LHX5: variants seen among roughly 807,000 people sequenced by gnomAD.
LHX5 encodes LIM/homeobox protein Lhx5.
A neutral mutation model predicts 30.6 loss-of-function variants in LHX5; 5 were observed. That is an observed-to-expected ratio of 0.16 (90% CI 0.09 to 0.34). The LOEUF (loss-of-function observed/expected upper bound fraction) is 0.34, where lower values mean the gene tolerates loss of function less well. LHX5 is among the 10% of genes least tolerant of loss of function. LHX5 has a pLI of 1.00. For synonymous variants in LHX5, 266 were observed against 252.6 expected (o/e 1.05, Z -0.50); for missense variants, 458 against 570.6 (o/e 0.80, Z 2.01).
At chr12:113,471,176 G>C (rs943945780) in intron 1 of LHX5, 150 bp downstream of exon 1, 1 of 791,240 alleles carries the variant, frequency 1.3e-6, no homozygotes, top group Non-Finnish European at 2.0e-6. Context: ...CTGGACCAAG[G>C]ACAGGAGGAG....
rs1947068085 is a variant in LHX5, at chr12:113,465,050, CT to C, written c.842-1494del. Among the ~76,000 whole-genome samples, 1 of 152,206 alleles carries C rather than the reference CT, an allele frequency of 6.6e-6. No homozygotes were observed. Among genetic ancestry groups the C allele is most frequent in the Admixed American group, 6.5e-5 (1 of 15,278 alleles). On this transcript the variant is annotated intron_variant, in intron 4 of 4. Transcript: ENST00000261731. The surrounding 1 kb of genome is among the most constrained non-coding windows in gnomAD (Gnocchi z 6.7). Reference sequence around the variant, plus strand: ...AGTCTCTTCTGCAAATCCACTCCCCCTGCTGAGTCCTGGGATCTCAGTCAAG... The same window carrying C: ...AGTCTCTTCTGCAAATCCACTCCCCCGCTGAGTCCTGGGATCTCAGTCAAG...
In LHX5 at chr12:113,466,881, G is replaced by A. The variant is rs1470863396; in HGVS notation, c.841+375C>T. 6.6e-6 allele frequency among the ~76,000 whole-genome samples: 1 copy of A among 152,102 alleles called. No homozygotes were observed. The highest frequency in any genetic ancestry group is 1.9e-4 in the East Asian group (1 of 5,198). On this transcript the variant is annotated intron_variant, in intron 4 of 4. Coordinates refer to ENST00000261731, the MANE Select transcript of LHX5 (RefSeq NM_022363.3). This position sits in a 1 kb window ranked among gnomAD's most constrained non-coding sequence, Gnocchi z 6.5. ...CTCAGTGTGACTGGTGGGAGTGTGC[G>A]CGTCTGTGGAGTTGTGTCTCCGTGA... is the stretch of plus-strand genomic sequence containing the variant.
rs1182064044 is a variant in LHX5 at position 113,464,688 on chromosome 12, A to G, written c.842-1131T>C. On this transcript the variant is annotated intron_variant, in intron 4 of 4. Transcript: ENST00000261731. The surrounding 1 kb of genome is among the most constrained non-coding windows in gnomAD (Gnocchi z 6.2). ...AGCCTTGCCCCGGGTTGGTTTTGCC[A>G]GCACCCCCAGGTTCTGAAGCATCTG... 6.6e-6 allele frequency among the ~76,000 whole-genome samples: 1 copy of G among 152,150 alleles called. No individual in the cohort carries two copies. The highest frequency in any genetic ancestry group is 1.5e-5 in the Non-Finnish European group (1 of 68,026).
At chr12:113,468,063 T>C in intron 3 of LHX5, 64 bp downstream of exon 3, 2 of 1,450,758 alleles carry the variant, frequency 1.4e-6, no homozygotes, top group Non-Finnish European at 1.8e-6. Context: ...GGCGGGAGAC[T>C]CCTCCGAGGC....
Position 113,468,348 on chromosome 12 carries a change from C to T in LHX5, c.454G>A (p.Asp152Asn). The T allele has an allele frequency of 6.2e-7, 1 of 1,614,128 alleles. No individual in the cohort carries two copies. The highest frequency in any genetic ancestry group is 8.5e-7 in the Non-Finnish European group (1 of 1,179,964). Residue 152 changes from aspartate to asparagine, a missense_variant, in exon 3 of 5, where the codon GAC (aspartate) becomes AAC (asparagine). By Grantham distance (23) the Asp-to-Asn change is conservative. Around this residue, in one of 3 missense-constraint regions of LHX5, gnomAD observed 178 missense variants for 238.5 expected, o/e 0.75. Coordinates refer to ENST00000261731, the MANE Select transcript of LHX5 (RefSeq NM_022363.3). ...SPDLQDALQD[D>N]PKETDNSTSS... ...GTCGAGTTGTCCGTCTCTTTGGGGT[C>T]GTCCTGCAGTGCGTCCTGGAGGTCC...
In LHX5 at chr12:113,463,564, AG is replaced by A; in HGVS notation, c.842-8del. 2 of 1,520,224 alleles carry A rather than the reference AG, an allele frequency of 1.3e-6. No homozygotes were observed. Among genetic ancestry groups the A allele is most frequent in the Non-Finnish European group, 8.8e-7 (1 of 1,141,182 alleles). The allele number at this position is 1,520,224 out of a possible 1,614,324, so 94.2% of individuals were successfully genotyped here. On this transcript the variant is annotated splice_region_variant and splice_polypyrimidine_tract_variant and intron_variant, in intron 4 of 4. Coordinates refer to ENST00000261731, the MANE Select transcript of LHX5 (RefSeq NM_022363.3). The surrounding 1 kb of genome is among the most constrained non-coding windows in gnomAD (Gnocchi z 6.7). Reference sequence around the variant, plus strand: ...TAGTAGTCGCCTTGGTAGTCTGCGGAGGGGGAGCGGGAAGGAGACAGGGCGC... The same window carrying A: ...TAGTAGTCGCCTTGGTAGTCTGCGGAGGGGAGCGGGAAGGAGACAGGGCGC...
chr12:113,468,613 G>GA (rs1958228849), intron 2 of LHX5, among the ~76,000 whole-genome samples: 1 of 152,232 alleles, frequency 6.6e-6, no homozygotes, highest in Non-Finnish European at 1.5e-5. Flanking sequence ...CCTTTGGAGG[G>GA]GCGCTCTTAA....
chr12:113,464,609 T>C lies in LHX5; in HGVS notation c.842-1052A>G, dbSNP rs1958201063. On this transcript the variant is annotated intron_variant, in intron 4 of 4. Transcript: ENST00000261731. This position sits in a 1 kb window ranked among gnomAD's most constrained non-coding sequence, Gnocchi z 6.2. ...GAGGGGGAGGAGGACACGAAGATTC[T>C]CTGGGTCATGGCCAGAGCTCCGCGG... Among the ~76,000 whole-genome samples, 1 of 152,132 alleles carries C rather than the reference T, an allele frequency of 6.6e-6. No homozygotes were observed. Among genetic ancestry groups the C allele is most frequent in the South Asian group, 2.1e-4 (1 of 4,820 alleles).
rs896567573 is a variant in LHX5 at position 113,466,302 on chromosome 12, T to C, written c.841+954A>G. 6.6e-6 allele frequency among the ~76,000 whole-genome samples: 1 copy of C among 152,086 alleles called. No homozygotes were observed. Among genetic ancestry groups the C allele is most frequent in the Non-Finnish European group, 1.5e-5 (1 of 68,012 alleles). On this transcript the variant is annotated intron_variant, in intron 4 of 4. Transcript: ENST00000261731. The surrounding 1 kb of genome is among the most constrained non-coding windows in gnomAD (Gnocchi z 6.5). ...CCCTGGGAAGAACAGGACAGTGAGC[T>C]TGGTGAGCTCAAGCAATGCGGCTCA...
chr12:113,469,438 A>G, intron 1 of LHX5, 93 bp from the exon 2 acceptor site: 8 of 1,149,106 alleles, frequency 7.0e-6, no homozygotes, highest in South Asian at 4.3e-5. Flanking sequence ...GCTTCGGTGA[A>G]GTCCCCATTT....
In LHX5 at chr12:113,463,239, C is replaced by T. The variant is rs1958187579; in HGVS notation, c.1160G>A (p.Gly387Glu). ...CTCGGGGTTGGGATGCGACAGGGGT[C>T]CGCTGTAGCCGCTGGTGCCGCTCAT... ...FPMSGTSGYS[G>E]PLSHPNPELN... The change falls in exon 5 of 5, where the codon GGA becomes GAA. Residue 387 changes from glycine to glutamate, a missense_variant. Physicochemically the swap from Gly to Glu is moderately conservative, Grantham distance 98 (BLOSUM62 -2). Around this residue, in one of 3 missense-constraint regions of LHX5, gnomAD observed 255 missense variants for 246.8 expected, o/e 1.03. Coordinates refer to ENST00000261731, the MANE Select transcript of LHX5 (RefSeq NM_022363.3). This position sits in a 1 kb window ranked among gnomAD's most constrained non-coding sequence, Gnocchi z 6.7. 1 of 1,526,534 alleles carries T rather than the reference C, an allele frequency of 6.6e-7. No homozygotes were observed. Among genetic ancestry groups the T allele is most frequent in the South Asian group, 1.2e-5 (1 of 83,436 alleles). The allele number at this position is 1,526,534 out of a possible 1,614,324, so 94.6% of individuals were successfully genotyped here.
In LHX5 at chr12:113,463,378, A is replaced by C; in HGVS notation, c.1021T>G (p.Phe341Val). Reference protein sequence around the residue: ...AGPHAADNPRFTDMISHPDTP... With the variant: ...AGPHAADNPRVTDMISHPDTP... ...TCCGGGTGCGAGATCATGTCGGTGA[A>C]CCTGGGGTTGTCCGCGGCGTGCGGG... is the stretch of plus-strand genomic sequence containing the variant. The change falls in exon 5 of 5, where the codon TTC becomes GTC. Residue 341 changes from phenylalanine to valine, a missense_variant. Physicochemically the swap from Phe to Val is conservative, Grantham distance 50 (BLOSUM62 -1). Around this residue, in one of 3 missense-constraint regions of LHX5, gnomAD observed 255 missense variants for 246.8 expected, o/e 1.03. Coordinates refer to ENST00000261731, the MANE Select transcript of LHX5 (RefSeq NM_022363.3). This position sits in a 1 kb window ranked among gnomAD's most constrained non-coding sequence, Gnocchi z 6.7. 1 of 1,553,808 alleles carries C rather than the reference A, an allele frequency of 6.4e-7. No homozygotes were observed. Among genetic ancestry groups the C allele is most frequent in the African/African-American group, 1.4e-5 (1 of 72,686 alleles).
chr12:113,471,201 C>T (rs1355004889), intron 1 of LHX5, 125 bp downstream of exon 1: 1 of 1,004,992 alleles, frequency 1.0e-6, no homozygotes, highest in Non-Finnish European at 1.5e-6. Flanking sequence ...AAGTGCTGCC[C>T]GCTCCCCATC....
In LHX5 at chr12:113,467,141, G is replaced by T; in HGVS notation, c.841+115C>A. The T allele has an allele frequency of 9.5e-7, 1 of 1,057,436 alleles. No individual in the cohort carries two copies. Among genetic ancestry groups the T allele is most frequent in the Non-Finnish European group, 1.3e-6 (1 of 779,850 alleles). 65.5% of individuals were successfully genotyped at this position (1,057,436 alleles called of 1,614,324 possible). A position where few individuals can be genotyped will look rare whatever the true frequency, so the allele number is the denominator to read the frequency against. On this transcript the variant is annotated intron_variant, in intron 4 of 4. Coordinates refer to ENST00000261731, the MANE Select transcript of LHX5 (RefSeq NM_022363.3). This position sits in a 1 kb window ranked among gnomAD's most constrained non-coding sequence, Gnocchi z 6.3. ...AGTGTACATGTGTCTGTGATCGTGT[G>T]TCCAGCGAGTGGGCGATGTTCTGGA... is the stretch of plus-strand genomic sequence containing the variant.
rs1475054909 is a variant in LHX5 at position 113,464,246 on chromosome 12, A to G, written c.842-689T>C. On this transcript the variant is annotated intron_variant, in intron 4 of 4. Transcript: ENST00000261731. This position sits in a 1 kb window ranked among gnomAD's most constrained non-coding sequence, Gnocchi z 6.2. Reference sequence around the variant, plus strand: ...CCCAGAGAACGCAAGACGGTGGATCAGAGATGAGTCCCAGGAACCTCCAGA... The same window carrying G: ...CCCAGAGAACGCAAGACGGTGGATCGGAGATGAGTCCCAGGAACCTCCAGA... Among the ~76,000 whole-genome samples the G allele has an allele frequency of 6.6e-6, 1 of 152,244 alleles. No homozygotes were observed. The highest frequency in any genetic ancestry group is 1.9e-4 in the East Asian group (1 of 5,204).
chr12:113,469,378 G>C, intron 1 of LHX5, 33 bp from the exon 2 acceptor site: 1 of 1,589,238 alleles, frequency 6.3e-7, no homozygotes, highest in Non-Finnish European at 8.6e-7. Flanking sequence ...ACTATGGGGT[G>C]GGACTGCATC....
In LHX5 at chr12:113,467,364, C is replaced by T; in HGVS notation, c.733G>A (p.Gly245Ser). 6 of 1,588,192 alleles carry T rather than the reference C, an allele frequency of 3.8e-6. No homozygotes were observed. Among genetic ancestry groups the T allele is most frequent in the Non-Finnish European group, 5.2e-6 (6 of 1,164,300 alleles). ...ERRMKQLSAL[G>S]ARRHAFFRSP... is the part of the protein sequence containing the mutation. ...CGGAAGAAGGCGTGCCTCCGGGCGCCTAGGGCGCTCAGCTGTTTCATCCGG... is the reference window on the plus strand; with the variant it reads ...CGGAAGAAGGCGTGCCTCCGGGCGCTTAGGGCGCTCAGCTGTTTCATCCGG... The change falls in exon 4 of 5, where the codon GGC becomes AGC. Residue 245 changes from glycine to serine, a missense_variant. Transcript: ENST00000261731. This position sits in a 1 kb window ranked among gnomAD's most constrained non-coding sequence, Gnocchi z 6.3.
rs1958177510 is a variant in LHX5, at chr12:113,462,188, G to A, written c.*1002C>T. Reference sequence around the variant, plus strand: ...TAAAAATATAAAAATGTCCAACCCCGGATAACTAGAGTACAATAAATAAAC... The same window carrying A: ...TAAAAATATAAAAATGTCCAACCCCAGATAACTAGAGTACAATAAATAAAC... On this transcript the variant is annotated 3_prime_UTR_variant, in exon 5 of 5. Coordinates refer to ENST00000261731, the MANE Select transcript of LHX5 (RefSeq NM_022363.3). 6.6e-6 allele frequency: 1 copy of A among 151,728 alleles called. No individual in the cohort carries two copies. Among genetic ancestry groups the A allele is most frequent in the Non-Finnish European group, 1.5e-5 (1 of 67,980 alleles). The allele number at this position is 151,728 out of a possible 1,614,324, so 9.4% of individuals were successfully genotyped here. A position where few individuals can be genotyped will look rare whatever the true frequency, so the allele number is the denominator to read the frequency against.
At chr12:113,468,520 C>A in intron 2 of LHX5, 116 bp from the exon 3 acceptor site, 1 of 1,298,026 alleles carries the variant, frequency 7.7e-7, no homozygotes, top group Admixed American at 2.7e-5. Flanking sequence ...CTACGGCCAG[C>A]CCCGCTGGAT....
Sources: gnomAD v4.1 joint callset for allele counts (sites outside exome capture counted in the v4.1 genomes callset) on GRCh38, gnomAD v4.1.1 for gene constraint, gnomAD v4.1.1 regional missense constraint, Gnocchi (gnomAD v3.1) non-coding constraint, MANE v1.5 for transcripts, NCBI Gene and HGNC (gene_info 2026-07-23, HGNC 2026-07-21) for gene names.